ARHGAP10: variants seen among roughly 807,000 people sequenced by gnomAD.
ARHGAP10 encodes Rho GTPase activating protein 10.
Under a neutral mutation model 108.6 loss-of-function variants are expected in ARHGAP10, and 87 were observed. The observed-to-expected ratio is 0.80, with a 90% CI of 0.67 to 0.96. The LOEUF (loss-of-function observed/expected upper bound fraction) is 0.96, where lower values mean the gene tolerates loss of function less well. Among genes scored for constraint, ARHGAP10 ranks in the 40% least tolerant of loss-of-function variants. The pLI is 0.00. For synonymous variants in ARHGAP10, 347 were observed against 341.1 expected, an observed-to-expected ratio of 1.02 and a Z score of -0.19; for missense variants, 939 against 954.5, an observed-to-expected ratio of 0.98 and a Z score of 0.21.
At position 147,972,178 on chromosome 4, in the gene ARHGAP10, G is replaced by A. The variant is rs184588261; in HGVS notation, c.1716+5339G>A. On this transcript the variant is annotated intron_variant, in intron 18 of 22. Transcript: ENST00000336498. ...TGAATTTAGGGGTAGAAAGTATAAC[G>A]TAAGGTATAGTTAAAGACATGAGAT... Among the ~76,000 whole-genome samples the A allele has an allele frequency of 1.7e-3, 263 of 152,176 alleles. 1 individual carries two copies. The highest frequency in any genetic ancestry group is 0.017 in the Middle Eastern group (5 of 294).
intron 18 of ARHGAP10, among the ~76,000 whole-genome samples, chr4:147,988,857 C>T (rs976101838): frequency 3.4e-4 from 51 of 152,202 alleles, no homozygotes; most frequent in African/African-American, 1.2e-3. Flanking sequence ...CCACCTGGGG[C>T]CAGCCACCAA....
intron 18 of ARHGAP10, among the ~76,000 whole-genome samples, chr4:147,982,546 CTTTTT>C (rs753773443): frequency 3.0e-4 from 20 of 66,270 alleles, no homozygotes; most frequent in African/African-American, 1.2e-3. Flanking sequence ...CCAGCTAAAT[CTTTTT>C]TTTTTTTTTT....
At chr4:148,049,253 G>C (rs550335723) in intron 20 of ARHGAP10, among the ~76,000 whole-genome samples, 4 of 152,146 alleles carry the variant, frequency 2.6e-5, no homozygotes, top group African/African-American at 7.2e-5. Flanking sequence ...CTGTAGGTCC[G>C]AGAAGGGTCC....
At chr4:147,907,211 A>T (rs1019939030) in intron 11 of ARHGAP10, among the ~76,000 whole-genome samples, 14 of 152,142 alleles carry the variant, frequency 9.2e-5, no homozygotes, top group African/African-American at 2.9e-4. Context: ...CGGTATTCAG[A>T]GTGCTTTGAG....
intron 16 of ARHGAP10, among the ~76,000 whole-genome samples, chr4:147,958,441 A>G (rs1738868045): frequency 6.6e-6 from 1 of 152,228 alleles, no homozygotes; most frequent in Admixed American, 6.5e-5. Flanking sequence ...TTGGTTATTT[A>G]TCATGAGAAA....
intron 13 of ARHGAP10, among the ~76,000 whole-genome samples, chr4:147,928,899 A>G (rs1737565962): frequency 1.3e-5 from 2 of 152,294 alleles, no homozygotes; most frequent in Middle Eastern, 3.4e-3. Context: ...ATCTCCTTTA[A>G]TGTTCACAGC....
intron 10 of ARHGAP10, among the ~76,000 whole-genome samples, chr4:147,894,082 A>C (rs958739726): frequency 2.0e-5 from 3 of 152,192 alleles, no homozygotes; most frequent in Non-Finnish European, 4.4e-5. Context: ...CCAGAATAAA[A>C]AGTTTTCTAC....
chr4:147,901,823 C>G (rs1186604481), intron 10 of ARHGAP10, among the ~76,000 whole-genome samples: 3 of 152,128 alleles, frequency 2.0e-5, no homozygotes, highest in African/African-American at 7.2e-5. Context: ...ATTTGCTGCT[C>G]TATGTGTAAC....
At chr4:147,837,286 A>G (rs972537397) in intron 3 of ARHGAP10, among the ~76,000 whole-genome samples, 1 of 152,222 alleles carries the variant, frequency 6.6e-6, no homozygotes, top group African/African-American at 2.4e-5. Context: ...TGTTAGGAGT[A>G]TAGAGAAAAG....
chr4:147,745,575 C>T (rs7698384), intron 1 of ARHGAP10, among the ~76,000 whole-genome samples: 152,046 of 152,288 alleles, frequency 1, 75,903 homozygotes, highest in East Asian at 1. Context: ...CACTGCAAGC[C>T]CCGCCTCCTG....
chr4:147,915,723 G>T (rs1579196678), intron 13 of ARHGAP10, among the ~76,000 whole-genome samples: 1 of 152,170 alleles, frequency 6.6e-6, no homozygotes, highest in Non-Finnish European at 1.5e-5. Context: ...TCCCCCCAAA[G>T]GTCTTCCATT....
chr4:147,882,696 T>C (rs77856376), intron 10 of ARHGAP10, among the ~76,000 whole-genome samples: 24 of 152,050 alleles, frequency 1.6e-4, no homozygotes, highest in African/African-American at 5.1e-4. Context: ...AGGTGAATTC[T>C]TTTTTTTCCT....
chr4:147,766,369 C>G (rs926501437), intron 1 of ARHGAP10, among the ~76,000 whole-genome samples: 6 of 151,884 alleles, frequency 4.0e-5, no homozygotes, highest in African/African-American at 1.2e-4. Flanking sequence ...ACATTACTTA[C>G]GATACTTAAT....
chr4:148,043,546 A>T (rs1728723688), intron 19 of ARHGAP10, among the ~76,000 whole-genome samples: 2 of 145,030 alleles, frequency 1.4e-5, no homozygotes, highest in South Asian at 4.5e-4. Flanking sequence ...TGAGAAGTCA[A>T]GACAGGAGAA....
At chr4:147,962,561 AC>A (rs1319320809) in intron 16 of ARHGAP10, among the ~76,000 whole-genome samples, 1 of 152,188 alleles carries the variant, frequency 6.6e-6, no homozygotes, top group Non-Finnish European at 1.5e-5. Context: ...GTCCTGACAT[AC>A]AATCTTTTGA....
intron 1 of ARHGAP10, among the ~76,000 whole-genome samples, chr4:147,747,251 C>T (rs112437024): frequency 1.4e-4 from 21 of 152,122 alleles, no homozygotes; most frequent in African/African-American, 9.6e-5. Context: ...GAATAAAATG[C>T]CTCTGGCAGC....
At chr4:147,940,047 A>G (rs1176008076) in intron 14 of ARHGAP10, 148 bp downstream of exon 14, 2 of 738,990 alleles carry the variant, frequency 2.7e-6, no homozygotes, top group Admixed American at 2.9e-5. Context: ...GAGACAATTG[A>G]CCCACAGAAG....
At chr4:147,745,714 A>G (rs1383570972) in intron 1 of ARHGAP10, among the ~76,000 whole-genome samples, 1 of 151,172 alleles carries the variant, frequency 6.6e-6, no homozygotes, top group Non-Finnish European at 1.5e-5. Context: ...GATGGTCTCC[A>G]TCTCCTGACC....
chr4:147,807,923 G>T (rs1383638336), intron 1 of ARHGAP10, among the ~76,000 whole-genome samples: 3 of 152,238 alleles, frequency 2.0e-5, no homozygotes, highest in Non-Finnish European at 2.9e-5. Context: ...TTGTATGGGT[G>T]TATAGGGGAA....
Sources: gnomAD v4.1 joint callset for allele counts (sites outside exome capture counted in the v4.1 genomes callset) on GRCh38, gnomAD v4.1.1 for gene constraint, MANE v1.5 for transcripts, NCBI Gene and HGNC (gene_info 2026-07-23, HGNC 2026-07-21) for gene names.